TULP4: variants seen among roughly 807,000 people sequenced by gnomAD.
TULP4 encodes TUB like protein 4.
In TULP4, 16 loss-of-function variants were observed where a neutral mutation model predicts 129.0. The observed-to-expected ratio is 0.12, with a 90% confidence interval of 0.08 to 0.19. The LOEUF is 0.19. Among genes scored for constraint, TULP4 ranks in the 10% least tolerant of loss-of-function variants. TULP4 has a pLI of 1.00. For missense variants in TULP4, 1,842 were observed against 2,059.1 expected (o/e 0.89, Z 2.04); for synonymous variants, 998 against 854.0 (o/e 1.17, Z -2.94).
At chr6:158,364,950 T>A (rs1173378379) in intron 1 of TULP4, among the ~76,000 whole-genome samples, 1 of 151,968 alleles carries the variant, frequency 6.6e-6, no homozygotes, top group Non-Finnish European at 1.5e-5. Flanking sequence ...TTAGTCAGGA[T>A]GGTCTCGATC....
chr6:158,463,623 T>C (rs1779491704), intron 6 of TULP4, among the ~76,000 whole-genome samples: 1 of 148,628 alleles, frequency 6.7e-6, no homozygotes, highest in Admixed American at 6.8e-5. Context: ...TGTGCACATG[T>C]ACCCTAGAAC....
intron 3 of TULP4, among the ~76,000 whole-genome samples, chr6:158,432,633 C>CGG (rs1778656919): frequency 6.6e-6 from 1 of 152,138 alleles, no homozygotes; most frequent in Non-Finnish European, 1.5e-5. Context: ...GAGGCCAAGG[C>CGG]GGGTGGATCA....
At chr6:158,360,425 C>CT (rs1289606544) in intron 1 of TULP4, among the ~76,000 whole-genome samples, 1 of 152,096 alleles carries the variant, frequency 6.6e-6, no homozygotes, top group Non-Finnish European at 1.5e-5. Flanking sequence ...GCCCAAGAGG[C>CT]TGTATTCTTA....
At chr6:158,430,000 A>C in intron 3 of TULP4, 103 bp downstream of exon 3, 1 of 1,114,746 alleles carries the variant, frequency 9.0e-7, no homozygotes, top group Middle Eastern at 2.4e-4. Context: ...CCTCTTTAAG[A>C]ATCACAATGG....
At chr6:158,394,893 T>G (rs902776993) in intron 1 of TULP4, among the ~76,000 whole-genome samples, 1 of 148,502 alleles carries the variant, frequency 6.7e-6, no homozygotes, top group African/African-American at 2.5e-5. Context: ...ATAGGAAGGA[T>G]GACTGGGAGG....
intron 1 of TULP4, among the ~76,000 whole-genome samples, chr6:158,353,516 G>C (rs570719515): frequency 6.6e-6 from 1 of 151,906 alleles, no homozygotes; most frequent in Non-Finnish European, 1.5e-5. Context: ...TATTTATTAC[G>C]GTACTCTTTG....
intron 1 of TULP4, among the ~76,000 whole-genome samples, chr6:158,239,688 G>C (rs1777816354): frequency 1.5e-5 from 1 of 64,730 alleles, no homozygotes; most frequent in Non-Finnish European, 3.4e-5. Context: ...GGGCAGAGGG[G>C]CTCCTCACTT....
At chr6:158,272,195 CA>C (rs1301919710) in intron 1 of TULP4, among the ~76,000 whole-genome samples, 1 of 152,058 alleles carries the variant, frequency 6.6e-6, no homozygotes, top group Non-Finnish European at 1.5e-5. Context: ...TGTGATGTGG[CA>C]ACAGGTGCAT....
intron 1 of TULP4, among the ~76,000 whole-genome samples, chr6:158,314,551 C>T (rs1320417441): frequency 6.6e-6 from 1 of 152,160 alleles, no homozygotes; most frequent in African/African-American, 2.4e-5. Context: ...AGACGCCCAG[C>T]AGTAGGGAGG....
intron 9 of TULP4, among the ~76,000 whole-genome samples, chr6:158,492,350 A>G (rs193082239): frequency 6.6e-6 from 1 of 152,078 alleles, no homozygotes; most frequent in African/African-American, 2.4e-5. Flanking sequence ...ATGCTTATGG[A>G]TTAATTTTTG....
chr6:158,288,090 A>C (rs548282871), intron 1 of TULP4, among the ~76,000 whole-genome samples: 2 of 152,238 alleles, frequency 1.3e-5, no homozygotes, highest in Non-Finnish European at 2.9e-5. Context: ...CTTCAACTTC[A>C]GGCAAGTTGC....
rs772156976 is a variant in TULP4, at chr6:158,503,259, C to G, written c.3596C>G (p.Pro1199Arg). 7.4e-6 allele frequency: 12 copies of G among 1,613,954 alleles called. No individual in the cohort carries two copies. The highest frequency in any genetic ancestry group is 1.0e-5 in the Non-Finnish European group (12 of 1,180,036). ...VPYPGSYNNP[P>R]LPGVQAPCSP... is the part of the protein sequence containing the mutation. The stretch of plus-strand genomic sequence containing the variant: ...TATCCAGGAAGCTATAACAACCCCC[C>G]TTTGCCTGGAGTGCAGGCTCCCTGC... The change falls in exon 13 of 14, where the codon CCT becomes CGT. Residue 1199 changes from proline (P) to arginine (R), a missense_variant. This residue lies in a region of TULP4 where 1,089 missense variants were observed against 987.1 expected (regional missense o/e 1.10). Coordinates refer to ENST00000367097, the MANE Select transcript of TULP4 (RefSeq NM_020245.5). The surrounding 1 kb of genome is among the most constrained non-coding windows in gnomAD (Gnocchi z 4.3).
chr6:158,503,722 C>G lies in TULP4; in HGVS notation c.4059C>G (p.Ile1353Met), dbSNP rs765529389. 6.2e-7 allele frequency: 1 copy of G among 1,613,926 alleles called. No homozygotes were observed. Among genetic ancestry groups the G allele is most frequent in the African/African-American group, 1.3e-5 (1 of 74,894 alleles). ...SRAEEGSVQAITEGKVKKEAR... is the reference protein window; with the variant it reads ...SRAEEGSVQAMTEGKVKKEAR... ...CAGAAGAAGGCAGCGTTCAGGCCATCACTGAGGGCAAAGTGAAGAAGGAGG... is the reference window on the plus strand; with the variant it reads ...CAGAAGAAGGCAGCGTTCAGGCCATGACTGAGGGCAAAGTGAAGAAGGAGG... Residue 1353 changes from isoleucine to methionine, a missense_variant, in exon 13 of 14, where the codon ATC becomes ATG. Physicochemically the swap from Ile to Met is conservative, Grantham distance 10. This residue lies in a region of TULP4 where 1,089 missense variants were observed against 987.1 expected (regional missense o/e 1.10). Coordinates refer to ENST00000367097, the MANE Select transcript of TULP4 (RefSeq NM_020245.5). This position sits in a 1 kb window ranked among gnomAD's most constrained non-coding sequence, Gnocchi z 4.3.
chr6:158,479,586 T>A (rs891410316), intron 6 of TULP4, among the ~76,000 whole-genome samples, 165 bp from the exon 7 acceptor site: 2 of 152,194 alleles, frequency 1.3e-5, no homozygotes, highest in African/African-American at 4.8e-5. Context: ...TCAATAAACA[T>A]ACTGAATTTT....
intron 2 of TULP4, among the ~76,000 whole-genome samples, chr6:158,414,577 G>A (rs563209787): frequency 3.2e-4 from 49 of 152,344 alleles, no homozygotes; most frequent in African/African-American, 1.2e-3. Flanking sequence ...CACCAAAGAT[G>A]AGTTTCAGGC....
intron 3 of TULP4, among the ~76,000 whole-genome samples, chr6:158,446,881 C>G (rs531222841): frequency 3.3e-5 from 5 of 152,274 alleles, no homozygotes; most frequent in African/African-American, 1.2e-4. Context: ...GGGCGCTAAT[C>G]CTATCGTGGG....
rs557678837 is a variant in TULP4 at position 158,427,471 on chromosome 6, C to CTTTTTTTTTTTTTTTTTTTTTTTTTTTT, written c.382-2251_382-2224dup. ...AAATTCCTTTTCAAAATTATCAGAC[C>CTTTTTTTTTTTTTTTTTTTTTTTTTTTT]TTTTTTTTTTTTTTTTTTTTTTTTT... On this transcript the variant is annotated intron_variant, in intron 2 of 13. Transcript: ENST00000367097. Among the ~76,000 whole-genome samples, 3 of 74,136 alleles carry CTTTTTTTTTTTTTTTTTTTTTTTTTTTT rather than the reference C, an allele frequency of 4.0e-5. 1 individual carries two copies. Among genetic ancestry groups the CTTTTTTTTTTTTTTTTTTTTTTTTTTTT allele is most frequent in the Admixed American group, 1.8e-4 (1 of 5,548 alleles). The allele number at this position is 74,136 out of a possible 152,430, so 48.6% of individuals were successfully genotyped here.
chr6:158,263,369 A>C (rs1426358397), intron 1 of TULP4, among the ~76,000 whole-genome samples: 1 of 152,220 alleles, frequency 6.6e-6, no homozygotes, highest in Non-Finnish European at 1.5e-5. Context: ...TTCAACCTCA[A>C]GTTGGTTTTA....
chr6:158,289,921 C>T (rs894549853), intron 1 of TULP4, among the ~76,000 whole-genome samples: 3 of 152,096 alleles, frequency 2.0e-5, no homozygotes, highest in Non-Finnish European at 4.4e-5. Context: ...TTTCAAAATA[C>T]CACCTTTGCT....
Sources: allele counts gnomAD v4.1 joint callset (sites outside exome capture counted in the v4.1 genomes callset), GRCh38; gene constraint gnomAD v4.1.1; regional missense constraint gnomAD v4.1.1; non-coding constraint Gnocchi (gnomAD v3.1); transcripts MANE v1.5; gene names NCBI Gene and HGNC (gene_info 2026-07-23, HGNC 2026-07-21).